The following UBN2 variants were observed in gnomAD, a reference collection of about 807,000 sequenced individuals.
UBN2 encodes the protein ubinuclein 2.
In UBN2, 35 loss-of-function variants were observed where a neutral mutation model predicts 120.2. The observed-to-expected ratio is 0.29, with a 90% CI of 0.22 to 0.39. The LOEUF (loss-of-function observed/expected upper bound fraction) is 0.39. UBN2 is among the 10% of genes least tolerant of loss of function. UBN2 has a pLI of 1.00. For synonymous variants in UBN2, 661 were observed against 648.7 expected (o/e 1.02, Z -0.29); for missense variants, 1,693 against 1,663.2 (o/e 1.02, Z -0.31).
At chr7:139,291,538 T>C (rs531716004) in intron 15 of UBN2, among the ~76,000 whole-genome samples, 2 of 152,170 alleles carry the variant, frequency 1.3e-5, no homozygotes, top group East Asian at 3.9e-4. Flanking sequence ...ACTCTGTTGA[T>C]AAGTAAGTGC....
chr7:139,268,578 T>G (rs1797165711), intron 7 of UBN2, among the ~76,000 whole-genome samples: 1 of 152,172 alleles, frequency 6.6e-6, no homozygotes, highest in African/African-American at 2.4e-5. Flanking sequence ...ATGCTGATGA[T>G]TTCCTTGCCT....
the UBN2 span, among the ~76,000 whole-genome samples, chr7:139,325,956 C>T: frequency 6.6e-6 from 1 of 151,974 alleles, no homozygotes; most frequent in Non-Finnish European, 1.5e-5. Context: ...TTTGGGAGGC[C>T]AAGGGGGATG....
the UBN2 span, among the ~76,000 whole-genome samples, chr7:139,319,118 G>GT: frequency 6.6e-6 from 1 of 152,138 alleles, no homozygotes. Flanking sequence ...GTGTTGCTCT[G>GT]TTGCCCAGGC....
intron 3 of UBN2, 99 bp downstream of exon 3, chr7:139,252,156 A>T: frequency 1.1e-6 from 1 of 942,650 alleles, no homozygotes; most frequent in Non-Finnish European, 1.6e-6. Flanking sequence ...GAATGTTTTT[A>T]TTTGTGCTTT....
intron 12 of UBN2, among the ~76,000 whole-genome samples, chr7:139,278,303 T>C (rs1797506035): frequency 6.6e-6 from 1 of 150,854 alleles, no homozygotes. Flanking sequence ...TGCCTCAGCC[T>C]CCTGAGTAGC....
chr7:139,244,421 A>G (rs139349901), intron 2 of UBN2, among the ~76,000 whole-genome samples: 2 of 152,282 alleles, frequency 1.3e-5, no homozygotes, highest in East Asian at 3.9e-4. Context: ...GATCCCAGCT[A>G]CTTGGGAGGC....
At chr7:139,271,525 G>A (rs915266383) in intron 8 of UBN2, among the ~76,000 whole-genome samples, 1 of 151,782 alleles carries the variant, frequency 6.6e-6, no homozygotes, top group African/African-American at 2.4e-5. Flanking sequence ...GGCGGAGGTT[G>A]CAGTGAGCCA....
chr7:139,276,058 A>G, intron 11 of UBN2, 39 bp from the exon 12 acceptor site: 9 of 1,512,198 alleles, frequency 6.0e-6, no homozygotes, highest in Non-Finnish European at 7.3e-6. Flanking sequence ...ACTATCTGCT[A>G]TAAAGAAAAT....
Position 139,231,650 on chromosome 7 carries a change from G to A in UBN2, c.166G>A (p.Glu56Lys). 4.1e-6 allele frequency: 5 copies of A among 1,210,586 alleles called. No homozygotes were observed. Among genetic ancestry groups the A allele is most frequent in the Non-Finnish European group, 5.1e-6 (5 of 976,834 alleles). The allele number at this position is 1,210,586 out of a possible 1,614,324, so 75.0% of individuals were successfully genotyped here. The change falls in exon 1 of 18, where the codon GAG (glutamate) becomes AAG (lysine). Residue 56 changes from glutamate to lysine, a missense_variant. Around this residue, in one of 5 missense-constraint regions of UBN2, gnomAD observed 663 missense variants for 591.2 expected, o/e 1.12. Transcript: ENST00000473989. ...CCGGGCGGAGCCGCCGGCCCCGCGG[G>A]AGCCTGCCCCCCGCTCGGACGCGCA... Reference protein sequence around the residue: ...PARAEPPAPREPAPRSDAQPP... With the variant: ...PARAEPPAPRKPAPRSDAQPP...
In UBN2 at chr7:139,306,753, A is replaced by T. The variant is rs1031800818; in HGVS notation, c.*8917A>T. 6.6e-6 allele frequency: 1 copy of T among 152,212 alleles called. No homozygotes were observed. Among genetic ancestry groups the T allele is most frequent in the Non-Finnish European group, 1.5e-5 (1 of 68,032 alleles). 9.4% of individuals were successfully genotyped at this position (152,212 alleles called of 1,614,324 possible). On this transcript the variant is annotated 3_prime_UTR_variant, in exon 18 of 18. Coordinates refer to ENST00000473989, the MANE Select transcript of UBN2 (RefSeq NM_173569.4). ...ATGTAAATCTGGGGCTTGCCCTTGG[A>T]TTTCACTTGTTAAACACCCTCAAAC...
chr7:139,256,776 G>C (rs899720199), intron 3 of UBN2, among the ~76,000 whole-genome samples: 2 of 152,062 alleles, frequency 1.3e-5, no homozygotes, highest in Non-Finnish European at 2.9e-5. Context: ...GTTTGTAGTA[G>C]ATCTTTCTAG....
the UBN2 span, among the ~76,000 whole-genome samples, chr7:139,315,591 C>T: frequency 6.6e-6 from 1 of 152,176 alleles, no homozygotes; most frequent in Non-Finnish European, 1.5e-5. Context: ...AATAATGCTC[C>T]TATTAACACT....
chr7:139,256,703 T>C (rs769015768), intron 3 of UBN2, among the ~76,000 whole-genome samples: 15 of 152,344 alleles, frequency 9.8e-5, no homozygotes, highest in Admixed American at 3.3e-4. Context: ...CCCTCACCCC[T>C]CATATCACTT....
At chr7:139,256,849 A>G (rs1407669788) in intron 3 of UBN2, among the ~76,000 whole-genome samples, 1 of 152,042 alleles carries the variant, frequency 6.6e-6, no homozygotes, top group Non-Finnish European at 1.5e-5. Context: ...CAATCATTTT[A>G]TTTCTTTTTA....
intron 2 of UBN2, among the ~76,000 whole-genome samples, chr7:139,250,407 AT>A (rs1796592194): frequency 6.6e-6 from 1 of 151,924 alleles, no homozygotes; most frequent in Non-Finnish European, 1.5e-5. Context: ...TAATTTTTGT[AT>A]TTTTAGTATA....
At chr7:139,310,322 A>G (rs78170243), downstream of UBN2, among the ~76,000 whole-genome samples, 3 of 150,890 alleles carry the variant, frequency 2.0e-5, no homozygotes, top group African/African-American at 2.5e-5. Flanking sequence ...AAAAAAAAAA[A>G]GTTATATTTG....
chr7:139,259,412 C>A lies in UBN2; in HGVS notation c.905+42C>A. The A allele has an allele frequency of 2.5e-6, 4 of 1,604,990 alleles. No individual in the cohort carries two copies. The South Asian group carries it at 4.4e-5, about 18-fold the overall frequency. ...CTAAGAAGGGAACTGGCGTCACAGT[C>A]TGACTGTCTCTCCCTTTAGAAAGAT... On this transcript the variant is annotated intron_variant, in intron 5 of 17. Transcript: ENST00000473989.
chr7:139,319,006 T>C, the UBN2 span, among the ~76,000 whole-genome samples: 1 of 152,102 alleles, frequency 6.6e-6, no homozygotes, highest in Non-Finnish European at 1.5e-5. Flanking sequence ...GGGTTGCGTT[T>C]TTCATTCTCA....
At chr7:139,326,763 A>G in the UBN2 span, among the ~76,000 whole-genome samples, 1 of 152,194 alleles carries the variant, frequency 6.6e-6, no homozygotes, top group Non-Finnish European at 1.5e-5. Context: ...CCTGGCACAT[A>G]TGGGAGCAGA....
Sources: gnomAD v4.1 joint callset for allele counts (sites outside exome capture counted in the v4.1 genomes callset) on GRCh38, gnomAD v4.1.1 for gene constraint, gnomAD v4.1.1 regional missense constraint, MANE v1.5 for transcripts, NCBI Gene and HGNC (gene_info 2026-07-23, HGNC 2026-07-21) for gene names.